STAT4: variants seen among roughly 807,000 people sequenced by gnomAD.
The protein encoded by STAT4 is signal transducer and activator of transcription 4.
A neutral mutation model predicts 110.5 loss-of-function variants in STAT4; 42 were observed. The ratio of observed to expected loss-of-function variants is 0.38; its 90% CI spans 0.30 to 0.49. The LOEUF is 0.49. Among genes scored for constraint, STAT4 ranks in the 20% least tolerant of loss-of-function variants. The probability of loss-of-function intolerance (pLI) is 0.95; values close to 1 mark genes in which losing one functional copy is unlikely to be tolerated. For synonymous variants in STAT4, 284 were observed against 302.2 expected, an observed-to-expected ratio of 0.94 and a Z score of 0.63; for missense variants, 632 against 887.9, an observed-to-expected ratio of 0.71 and a Z score of 3.66.
Position 191,104,878 on chromosome 2 carries a change from C to T in STAT4, c.274-28553G>A, listed in dbSNP as rs1698236446. Among the ~76,000 whole-genome samples the T allele has an allele frequency of 6.6e-6, 1 of 151,944 alleles. No homozygotes were observed. The highest frequency in any genetic ancestry group is 2.4e-5 in the African/African-American group (1 of 41,364). On this transcript the variant is annotated intron_variant, in intron 3 of 23. Coordinates refer to ENST00000392320, the MANE Select transcript of STAT4 (RefSeq NM_003151.4). The surrounding 1 kb of genome is among the most constrained non-coding windows in gnomAD (Gnocchi z 4.3). ...CCTGGTGCTTGAGCAGAAAAAAGTC[C>T]CAATGGCCCATCTTATCTGGCCCCA...
At chr2:191,121,330 TA>T (rs1698721163) in intron 3 of STAT4, among the ~76,000 whole-genome samples, 1 of 152,196 alleles carries the variant, frequency 6.6e-6, no homozygotes, top group Non-Finnish European at 1.5e-5. Context: ...GGTGGGAGTG[TA>T]AACTAGTTCA....
intron 3 of STAT4, among the ~76,000 whole-genome samples, chr2:191,095,259 A>C (rs1433710052): frequency 6.6e-6 from 1 of 152,240 alleles, no homozygotes; most frequent in East Asian, 1.9e-4. Context: ...TGCAACAAGC[A>C]GACCTAACAG....
chr2:191,061,502 T>C lies in STAT4; in HGVS notation c.1034+227A>G, dbSNP rs1025846608. On this transcript the variant is annotated intron_variant, in intron 10 of 23. Coordinates refer to ENST00000392320, the MANE Select transcript of STAT4 (RefSeq NM_003151.4). The surrounding 1 kb of genome is among the most constrained non-coding windows in gnomAD (Gnocchi z 6.2). ...TGCCTGATATTATGATTCCATACTT[T>C]CAGGCTAATATCCCTTATGTCCTCA... Among the ~76,000 whole-genome samples, 7 of 152,232 alleles carry C rather than the reference T, an allele frequency of 4.6e-5. No individual in the cohort carries two copies. The highest frequency in any genetic ancestry group is 8.8e-5 in the Non-Finnish European group (6 of 68,032).
At chr2:191,089,521 A>T (rs1014455941) in intron 3 of STAT4, among the ~76,000 whole-genome samples, 3 of 152,112 alleles carry the variant, frequency 2.0e-5, no homozygotes, top group Non-Finnish European at 4.4e-5. Context: ...AACTAAACAT[A>T]CTCTTGTAAT....
At chr2:191,063,435 A>G (rs1458402569) in intron 8 of STAT4, among the ~76,000 whole-genome samples, 4 of 152,206 alleles carry the variant, frequency 2.6e-5, no homozygotes, top group Non-Finnish European at 5.9e-5. Context: ...CTCTCTTTAG[A>G]GTAAGGTATA....
intron 6 of STAT4, chr2:191,068,408 T>C (rs1356126351): frequency 6.6e-6 from 1 of 152,176 alleles, no homozygotes; most frequent in African/African-American, 2.4e-5. Flanking sequence ...AATGGAAAAG[T>C]TGTATGTACA....
In STAT4 at chr2:191,147,937, G is replaced by C; in HGVS notation, c.128+139C>G. The C allele has an allele frequency of 2.6e-6, 3 of 1,162,126 alleles. No individual in the cohort carries two copies. The highest frequency in any genetic ancestry group is 3.6e-6 in the Non-Finnish European group (3 of 841,818). The allele number at this position is 1,162,126 out of a possible 1,614,324, so 72.0% of individuals were successfully genotyped here. On this transcript the variant is annotated intron_variant, in intron 2 of 23. Coordinates refer to ENST00000392320, the MANE Select transcript of STAT4 (RefSeq NM_003151.4). The surrounding 1 kb of genome is among the most constrained non-coding windows in gnomAD (Gnocchi z 4.1). ...ACAATTATTCCCCTTCTTTGGGAAG[G>C]CTTTCAAATCCTTGAGAAAGTTCTT...
In STAT4 at chr2:191,061,771, G is replaced by T. The variant is rs1248978329; in HGVS notation, c.992C>A (p.Pro331Gln). 1 of 1,613,392 alleles carries T rather than the reference G, an allele frequency of 6.2e-7. No individual in the cohort carries two copies. The highest frequency in any genetic ancestry group is 1.1e-5 in the South Asian group (1 of 90,890). The stretch of plus-strand genomic sequence containing the variant: ...CTGAATTAGGGTTTTAAGTACCAAC[G>T]GCCTCTGAGGGTGGGTTGGCATACA... The part of the protein sequence containing the change: ...QPCMPTHPQR[P>Q]LVLKTLIQFT... Residue 331 changes from proline to glutamine, a missense_variant, in exon 10 of 24, where the codon CCG becomes CAG. This residue lies in a region of STAT4 where 488 missense variants were observed against 632.8 expected (regional missense o/e 0.77). Coordinates refer to ENST00000392320, the MANE Select transcript of STAT4 (RefSeq NM_003151.4). The surrounding 1 kb of genome is among the most constrained non-coding windows in gnomAD (Gnocchi z 6.2).
At position 191,060,921 on chromosome 2, in the gene STAT4, CTGTACCATGGCATCACCACCTCT is replaced by C. The variant is rs1696830559; in HGVS notation, c.1034+785_1034+807del. Among the ~76,000 whole-genome samples, 3 of 152,320 alleles carry C rather than the reference CTGTACCATGGCATCACCACCTCT, an allele frequency of 2.0e-5. No individual in the cohort carries two copies. The South Asian group carries it at 6.2e-4, about 32-fold the overall frequency. On this transcript the variant is annotated intron_variant, in intron 10 of 23. Coordinates refer to ENST00000392320, the MANE Select transcript of STAT4 (RefSeq NM_003151.4). This position sits in a 1 kb window ranked among gnomAD's most constrained non-coding sequence, Gnocchi z 4.5. ...CCTTATCATAGAACCCTAAACTGCT[CTGTACCATGGCATCACCACCTCT>C]TGACCTGTTAGTCTGTGGTTTCAGC...
intron 6 of STAT4, among the ~76,000 whole-genome samples, chr2:191,067,880 G>T (rs1336321809): frequency 6.6e-6 from 1 of 152,124 alleles, no homozygotes; most frequent in African/African-American, 2.4e-5. Flanking sequence ...TTTGACTTGT[G>T]TAATTGTGAA....
Position 191,138,216 on chromosome 2 carries a change from CA to C in STAT4, c.273+8396del, listed in dbSNP as rs975637814. On this transcript the variant is annotated intron_variant, in intron 3 of 23. Coordinates refer to ENST00000392320, the MANE Select transcript of STAT4 (RefSeq NM_003151.4). The surrounding 1 kb of genome is among the most constrained non-coding windows in gnomAD (Gnocchi z 4.3). Reference sequence around the variant, plus strand: ...GGCAAAAATATGAATAGACATTTCTCAAAAAAAACTAAATCCAAACCCAGCA... The same window carrying C: ...GGCAAAAATATGAATAGACATTTCTCAAAAAAACTAAATCCAAACCCAGCA... Among the ~76,000 whole-genome samples the C allele has an allele frequency of 2.6e-5, 4 of 151,238 alleles. No individual in the cohort carries two copies. Among genetic ancestry groups the C allele is most frequent in the South Asian group, 2.1e-4 (1 of 4,790 alleles).
chr2:191,054,364 T>C (rs1176331759), intron 14 of STAT4, 126 bp downstream of exon 14: 1 of 781,192 alleles, frequency 1.3e-6, no homozygotes, highest in East Asian at 2.6e-5. Flanking sequence ...TATCAAGCTT[T>C]ACATCTATAA....
intron 3 of STAT4, among the ~76,000 whole-genome samples, chr2:191,095,042 A>C (rs949310521): frequency 1.3e-5 from 2 of 152,196 alleles, no homozygotes; most frequent in African/African-American, 4.8e-5. Flanking sequence ...TCAATTCAAC[A>C]AGAAGAGCTA....
chr2:191,093,035 C>G (rs1697846598), intron 3 of STAT4, among the ~76,000 whole-genome samples: 1 of 152,194 alleles, frequency 6.6e-6, no homozygotes, highest in Non-Finnish European at 1.5e-5. Context: ...GTAAACAAAG[C>G]AGCTGGGGAA....
At chr2:191,139,414 A>C (rs1699262813) in intron 3 of STAT4, among the ~76,000 whole-genome samples, 1 of 152,224 alleles carries the variant, frequency 6.6e-6, no homozygotes, top group Non-Finnish European at 1.5e-5. Flanking sequence ...AGGATACGAA[A>C]TCAATGTACG....
chr2:191,094,597 A>G (rs941593252), intron 3 of STAT4, among the ~76,000 whole-genome samples: 5 of 152,212 alleles, frequency 3.3e-5, no homozygotes, highest in Non-Finnish European at 7.3e-5. Flanking sequence ...GAAGCACTAA[A>G]AATGGGAGGG....
chr2:191,121,272 ACAGG>A (rs1382653048), intron 3 of STAT4, among the ~76,000 whole-genome samples: 1 of 152,220 alleles, frequency 6.6e-6, no homozygotes, highest in Non-Finnish European at 1.5e-5. Flanking sequence ...TCAGGAAACA[ACAGG>A]TGCTGGAGAG....
At chr2:191,128,332 CTT>C (rs1240119027) in intron 3 of STAT4, among the ~76,000 whole-genome samples, 1 of 152,054 alleles carries the variant, frequency 6.6e-6, no homozygotes, top group Non-Finnish European at 1.5e-5. Context: ...GAGGTCATCT[CTT>C]TTTTTCTCTT....
At chr2:191,136,523 C>T (rs6434442) in intron 3 of STAT4, among the ~76,000 whole-genome samples, 88,525 of 152,034 alleles carry the variant, frequency 0.58, 26,340 homozygotes, top group Admixed American at 0.65. Flanking sequence ...AGGCCAAGAC[C>T]GGCAGATCAT....
Sources: gnomAD v4.1 joint callset for allele counts (sites outside exome capture counted in the v4.1 genomes callset) on GRCh38, gnomAD v4.1.1 for gene constraint, gnomAD v4.1.1 regional missense constraint, Gnocchi (gnomAD v3.1) non-coding constraint, MANE v1.5 for transcripts, NCBI Gene and HGNC (gene_info 2026-07-23, HGNC 2026-07-21) for gene names.